The following MYH11 variants were observed in gnomAD, a reference collection of about 807,000 sequenced individuals.
MYH11 encodes myosin-11.
Under a neutral mutation model 246.6 loss-of-function variants are expected in MYH11, and 80 were observed. The observed-to-expected ratio is 0.32, with a 90% confidence interval of 0.27 to 0.39. MYH11 has a LOEUF of 0.39. Ranked by LOEUF, MYH11 falls within the 10% of genes least tolerant of loss-of-function variation. MYH11 has a pLI of 1.00. For synonymous variants in MYH11, 1,071 were observed against 1,015.5 expected (o/e 1.05, Z -1.04); for missense variants, 2,158 against 2,546.8 (o/e 0.85, Z 3.29).
chr16:15,720,643 T>G (rs1214667991), intron 33 of MYH11, among the ~76,000 whole-genome samples, 196 bp downstream of exon 33: 1 of 150,902 alleles, frequency 6.6e-6, no homozygotes, highest in Non-Finnish European at 1.5e-5. Context: ...TCCAAGCTAC[T>G]CGGGAGGCTG....
chr16:15,725,588 C>G (rs531370712), intron 28 of MYH11: 14 of 406,748 alleles, frequency 3.4e-5, no homozygotes, highest in Admixed American at 3.2e-4. Context: ...CCCTCCATCT[C>G]TTCCATTGAC....
chr16:15,706,001 A>AAAAAAAAAC, intron 40 of MYH11, among the ~76,000 whole-genome samples: 1 of 150,976 alleles, frequency 6.6e-6, no homozygotes, highest in Non-Finnish European at 1.5e-5. Flanking sequence ...AAAAAAAAAA[A>AAAAAAAAAC]AAAATCAAGG....
At chr16:15,762,979 C>A (rs1043957441) in intron 10 of MYH11, among the ~76,000 whole-genome samples, 1 of 152,170 alleles carries the variant, frequency 6.6e-6, no homozygotes, top group African/African-American at 2.4e-5. Context: ...TAGTGGTAGC[C>A]AGGCCAGCTT....
chr16:15,727,193 G>C, intron 27 of MYH11, 139 bp from the exon 28 acceptor site: 1 of 750,824 alleles, frequency 1.3e-6, no homozygotes, highest in South Asian at 1.6e-5. Flanking sequence ...GAGATTTGGG[G>C]TTTTTTTGTT....
At chr16:15,732,762 C>G in intron 26 of MYH11, 54 bp from the exon 27 acceptor site, 1 of 1,606,912 alleles carries the variant, frequency 6.2e-7, no homozygotes, top group Non-Finnish European at 8.5e-7. Flanking sequence ...AGGGTCATCT[C>G]AGTGCCGTGC....
intron 40 of MYH11, chr16:15,714,200 TGGGAGCAGGG>T (rs948383824): frequency 5.2e-5 from 8 of 153,228 alleles, no homozygotes; most frequent in African/African-American, 1.9e-4. Context: ...AAGCAGCCCT[TGGGAGCAGGG>T]GGGACCCCCA....
At chr16:15,851,952 T>C (rs568399098) in intron 1 of MYH11, among the ~76,000 whole-genome samples, 1 of 152,160 alleles carries the variant, frequency 6.6e-6, no homozygotes, top group Non-Finnish European at 1.5e-5. Flanking sequence ...TTAAAATAAA[T>C]GTATAGTCTC....
chr16:15,784,725 T>C lies in MYH11; in HGVS notation c.633+1905A>G, dbSNP rs761054714. 4 of 1,613,920 alleles carry C rather than the reference T, an allele frequency of 2.5e-6. No individual in the cohort carries two copies. The highest frequency in any genetic ancestry group is 4.5e-5 in the East Asian group (2 of 44,886). On this transcript the variant is annotated intron_variant, in intron 5 of 40. Transcript: ENST00000300036. ...AGGCAAAAGATGGGCCTTGCTGTGG[T>C]TGAACAACACAGTATAAAACAAATG...
rs753732525 is a variant in MYH11, at chr16:15,741,903, C to T, written c.2521-12G>A. ...AGCAGTGGCTTCACCTGCACACACACGGTTAGCCCATCATTTGTTTTTGTG... is the reference window on the plus strand; with the variant it reads ...AGCAGTGGCTTCACCTGCACACACATGGTTAGCCCATCATTTGTTTTTGTG... On this transcript the variant is annotated splice_polypyrimidine_tract_variant and intron_variant, in intron 20 of 40. Transcript: ENST00000300036. The T allele has an allele frequency of 1.1e-5, 17 of 1,614,050 alleles. No individual in the cohort carries two copies. The highest frequency in any genetic ancestry group is 7.7e-5 in the South Asian group (7 of 91,088).
At chr16:15,811,388 G>C (rs1406080802) in intron 3 of MYH11, among the ~76,000 whole-genome samples, 6 of 152,158 alleles carry the variant, frequency 3.9e-5, no homozygotes, top group Non-Finnish European at 8.8e-5. Flanking sequence ...CTACCCAGGA[G>C]GGAAGAGTAA....
In MYH11 at chr16:15,795,613, AAAAC is replaced by A. The variant is rs559713275; in HGVS notation, c.530+3043_530+3046del. Among the ~76,000 whole-genome samples, 87 of 152,292 alleles carry A rather than the reference AAAAC, an allele frequency of 5.7e-4. No individual in the cohort carries two copies. The Middle Eastern group carries it at 0.01, about 18-fold the overall frequency. ...GCAATGAGAGCAAAACTCCATCTCA[AAAAC>A]AAACAAACAAACAAACAAACAAACT... On this transcript the variant is annotated intron_variant, in intron 4 of 40. Transcript: ENST00000300036.
intron 2 of MYH11, among the ~76,000 whole-genome samples, chr16:15,829,013 G>A (rs1262095189): frequency 1.3e-5 from 2 of 151,652 alleles, no homozygotes; most frequent in Non-Finnish European, 2.9e-5. Context: ...GCAAAACCCC[G>A]TCTTTACTAA....
In MYH11 at chr16:15,703,897, G is replaced by T. The variant is rs758822191; in HGVS notation, c.*94C>A. The T allele has an allele frequency of 6.5e-7, 1 of 1,530,742 alleles. No homozygotes were observed. 94.8% of individuals were successfully genotyped at this position (1,530,742 alleles called of 1,614,324 possible). On this transcript the variant is annotated 3_prime_UTR_variant, in exon 41 of 41. Coordinates refer to ENST00000300036, the MANE Select transcript of MYH11 (RefSeq NM_002474.3). ...GACAATGCTAAGTACAGTCTGCTGG[G>T]TTTTGCTTTGTTCTGGGTTGTTGTT...
chr16:15,853,816 G>A (rs13331604), intron 1 of MYH11, among the ~76,000 whole-genome samples: 28,762 of 152,062 alleles, frequency 0.19, 3,348 homozygotes, highest in East Asian at 0.43. Flanking sequence ...TGAGGTCAGC[G>A]GTTCGAGACC....
chr16:15,767,508 A>G (rs1170092708), intron 9 of MYH11, among the ~76,000 whole-genome samples: 1 of 151,898 alleles, frequency 6.6e-6, no homozygotes, highest in Non-Finnish European at 1.5e-5. Context: ...TTTTGTGGAT[A>G]CCGGGGTCTC....
intron 4 of MYH11, among the ~76,000 whole-genome samples, chr16:15,793,288 C>T (rs2042658337): frequency 6.6e-6 from 1 of 151,562 alleles, no homozygotes; most frequent in Admixed American, 6.6e-5. Flanking sequence ...TCTTGTCTTC[C>T]TTCCCTTCCT....
chr16:15,724,916 G>T lies in MYH11; in HGVS notation c.3935C>A (p.Ser1312Tyr). 3 of 1,614,146 alleles carry T rather than the reference G, an allele frequency of 1.9e-6. No homozygotes were observed. In the South Asian group the frequency reaches 3.3e-5, roughly 18 times the overall value. Reference protein sequence around the residue: ...KAIKLAKDVASLSSQLQDTQE... With the variant: ...KAIKLAKDVAYLSSQLQDTQE... ...GGTGTCCTGGAGCTGGGAACTGAGG[G>T]ACGCCACGTCCTTGGCCAGCTTAAT... The change falls in exon 29 of 41, where the codon TCC (serine) becomes TAC (tyrosine). Residue 1312 changes from serine (S) to tyrosine (Y), a missense_variant. Coordinates refer to ENST00000300036, the MANE Select transcript of MYH11 (RefSeq NM_002474.3).
chr16:15,825,924 T>G (rs757731866), intron 2 of MYH11, among the ~76,000 whole-genome samples: 1 of 152,140 alleles, frequency 6.6e-6, no homozygotes, highest in Middle Eastern at 3.4e-3. Flanking sequence ...ATAAAGCGTA[T>G]CCTCTTCCCT....
rs2041548010 is a variant in MYH11, at chr16:15,750,886, T to A, written c.1865-555A>T. ...GATGTTAAGTATGGAATATCTTGAG[T>A]AGTGAGGTGTGCGTAGAAAAATAAA... is the stretch of plus-strand genomic sequence containing the variant. On this transcript the variant is annotated intron_variant, in intron 15 of 40. Transcript: ENST00000300036. This position sits in a 1 kb window ranked among gnomAD's most constrained non-coding sequence, Gnocchi z 4.3. 6.6e-6 allele frequency among the ~76,000 whole-genome samples: 1 copy of A among 151,718 alleles called. No homozygotes were observed. Among genetic ancestry groups the A allele is most frequent in the South Asian group, 2.1e-4 (1 of 4,806 alleles).
Sources: allele counts gnomAD v4.1 joint callset (sites outside exome capture counted in the v4.1 genomes callset), GRCh38; gene constraint gnomAD v4.1.1; non-coding constraint Gnocchi (gnomAD v3.1); transcripts MANE v1.5; gene names NCBI Gene and HGNC (gene_info 2026-07-23, HGNC 2026-07-21).